Variants in CEP290 observed in about 807,000 individuals in gnomAD.
CEP290 encodes centrosomal protein of 290 kDa.
Under a neutral mutation model 344.9 loss-of-function variants are expected in CEP290, and 317 were observed. That is an observed-to-expected ratio of 0.92 (90% CI 0.84 to 1.01). CEP290 has a LOEUF of 1.01. CEP290 is among the 50% of genes least tolerant of loss of function. The pLI is 0.00. For synonymous variants in CEP290, 932 were observed against 895.8 expected (o/e 1.04, Z -0.72); for missense variants, 2,754 against 2,761.4 (o/e 1.00, Z 0.06).
chr12:88,141,280 T>C lies in CEP290; in HGVS notation c.28A>G (p.Ile10Val), dbSNP rs2040642730. ...AGGTCATCTGGGTCAACTTTCATTA[T>C]TTCTTTCCAGTTTATATTAGGTGGC... Reference protein sequence around the residue: MPPNINWKEIMKVDPDDLPR... With the variant: MPPNINWKEVMKVDPDDLPR... Residue 10 changes from isoleucine to valine, a missense_variant, in exon 2 of 54, where the codon ATA becomes GTA. Physicochemically the swap from Ile to Val is conservative, Grantham distance 29. Transcript: ENST00000552810. 4 of 1,611,282 alleles carry C rather than the reference T, an allele frequency of 2.5e-6. No individual in the cohort carries two copies. In the African/African-American group the frequency reaches 4.0e-5, roughly 16 times the overall value.
chr12:88,086,298 T>G (rs2036568492), intron 33 of CEP290, 93 bp downstream of exon 33: 1 of 1,412,516 alleles, frequency 7.1e-7, no homozygotes, highest in Non-Finnish European at 9.6e-7. Flanking sequence ...CAATATAACA[T>G]CAATTAAAAT....
intron 6 of CEP290, among the ~76,000 whole-genome samples, chr12:88,132,151 T>A (rs1463305849): frequency 6.6e-6 from 1 of 152,224 alleles, no homozygotes; most frequent in Non-Finnish European, 1.5e-5. Flanking sequence ...TACATATAAG[T>A]GACTTTATCT....
intron 11 of CEP290, 134 bp downstream of exon 11, chr12:88,128,812 T>C: frequency 1.9e-6 from 1 of 518,910 alleles, no homozygotes. Flanking sequence ...AACCAATAAA[T>C]AAAATAAACT....
At chr12:88,063,129 TAAG>T (rs2034608475) in intron 45 of CEP290, among the ~76,000 whole-genome samples, 2 of 88,378 alleles carry the variant, frequency 2.3e-5, no homozygotes, top group South Asian at 6.9e-4. Flanking sequence ...AAAACCAGAA[TAAG>T]AAGCAGTACC....
At chr12:88,084,465 A>T in intron 35 of CEP290, 121 bp downstream of exon 35, 1 of 929,388 alleles carries the variant, frequency 1.1e-6, no homozygotes, top group East Asian at 2.5e-5. Context: ...TGCAAGTAAC[A>T]ATTCTTAAAT....
chr12:88,090,261 T>C (rs2036922818), intron 30 of CEP290, among the ~76,000 whole-genome samples: 1 of 152,208 alleles, frequency 6.6e-6, no homozygotes, highest in South Asian at 2.1e-4. Flanking sequence ...CTGAACAATA[T>C]TTCAAATTAA....
Position 88,117,136 on chromosome 12 carries a change from G to C in CEP290, c.1721C>G (p.Thr574Ser), listed in dbSNP as rs1187828326. The C allele has an allele frequency of 1.3e-6, 2 of 1,513,658 alleles. No individual in the cohort carries two copies. The highest frequency in any genetic ancestry group is 9.0e-7 in the Non-Finnish European group (1 of 1,108,866). The allele number at this position is 1,513,658 out of a possible 1,614,324, so 93.8% of individuals were successfully genotyped here. A position where few individuals can be genotyped will look rare whatever the true frequency, so the allele number is the denominator to read the frequency against. ...GTTTTCAGTTAGGTTCAGGTCCTCAGTGGTTAATCCTATATATAAGAGAAT... is the reference window on the plus strand; with the variant it reads ...GTTTTCAGTTAGGTTCAGGTCCTCACTGGTTAATCCTATATATAAGAGAAT... ...GKRSATSGLT[T>S]EDLNLTENIS... The change falls in exon 18 of 54, where the codon ACT becomes AGT. Residue 574 changes from threonine (T) to serine (S), a missense_variant. Physicochemically the swap from Thr to Ser is moderately conservative, Grantham distance 58. Coordinates refer to ENST00000552810, the MANE Select transcript of CEP290 (RefSeq NM_025114.4).
chr12:88,123,782 A>G (rs2137972058), intron 13 of CEP290, among the ~76,000 whole-genome samples: 1 of 152,152 alleles, frequency 6.6e-6, no homozygotes, highest in African/African-American at 2.4e-5. Flanking sequence ...ACAAGTGCCT[A>G]CTTAACACCT....
intron 20 of CEP290, 88 bp downstream of exon 20, chr12:88,114,332 C>A: frequency 9.8e-7 from 1 of 1,019,100 alleles, no homozygotes; most frequent in African/African-American, 1.7e-5. Context: ...CTAAAAATAT[C>A]TCATCAGAAA....
chr12:88,131,939 A>G (rs2040098326), intron 6 of CEP290, among the ~76,000 whole-genome samples: 1 of 152,220 alleles, frequency 6.6e-6, no homozygotes, highest in African/African-American at 2.4e-5. Context: ...AATGGTTAAA[A>G]GAAGCAATCT....
chr12:88,049,477 A>G, intron 53 of CEP290, 63 bp from the exon 54 acceptor site: 1 of 862,108 alleles, frequency 1.2e-6, no homozygotes, highest in Non-Finnish European at 1.8e-6. Flanking sequence ...CGTTTGAACA[A>G]GGAGATTTAA....
chr12:88,070,181 G>A (rs1425589406), intron 43 of CEP290, among the ~76,000 whole-genome samples: 2 of 152,172 alleles, frequency 1.3e-5, no homozygotes, highest in Non-Finnish European at 2.9e-5. Flanking sequence ...GTACAATGGA[G>A]TAAATACATT....
At chr12:88,122,560 T>C (rs1277140255) in intron 13 of CEP290, among the ~76,000 whole-genome samples, 1 of 152,150 alleles carries the variant, frequency 6.6e-6, no homozygotes, top group East Asian at 1.9e-4. Flanking sequence ...AAGTTCAAGA[T>C]GTAGAGTACA....
chr12:88,115,093 C>A lies in CEP290; in HGVS notation c.1909+5G>T. The A allele has an allele frequency of 7.3e-7, 1 of 1,369,850 alleles. No homozygotes were observed. The highest frequency in any genetic ancestry group is 1.0e-6 in the Non-Finnish European group (1 of 989,770). The allele number at this position is 1,369,850 out of a possible 1,614,324, so 84.9% of individuals were successfully genotyped here. A position where few individuals can be genotyped will look rare whatever the true frequency, so the allele number is the denominator to read the frequency against. On this transcript the variant is annotated splice_donor_5th_base_variant and intron_variant, in intron 19 of 53. Coordinates refer to ENST00000552810, the MANE Select transcript of CEP290 (RefSeq NM_025114.4). ...ACAGAAAAGTAAAAGATAATTGTAA[C>A]TTACATTTATTCTGAAATTTGGCTA...
chr12:88,136,468 C>T (rs1461197224), intron 6 of CEP290, 175 bp downstream of exon 6: 3 of 618,316 alleles, frequency 4.9e-6, no homozygotes, highest in African/African-American at 1.9e-5. Flanking sequence ...CTAGAAGTAC[C>T]ATTATATTTT....
chr12:88,112,738 T>C (rs1439035663), intron 20 of CEP290, among the ~76,000 whole-genome samples: 1 of 152,026 alleles, frequency 6.6e-6, no homozygotes, highest in African/African-American at 2.4e-5. Flanking sequence ...AGGTAGTAGA[T>C]TTGTAAAAGC....
chr12:88,097,922 G>A (rs1248644487), intron 26 of CEP290, among the ~76,000 whole-genome samples: 1 of 152,110 alleles, frequency 6.6e-6, no homozygotes, highest in Non-Finnish European at 1.5e-5. Flanking sequence ...CCCATTCAGT[G>A]CCTATGTGTG....
In CEP290 at chr12:88,084,625, T is replaced by G; in HGVS notation, c.4665A>C (p.Val1555=). Residue 1555 remains valine (V), a synonymous_variant, in exon 35 of 54, where the codon GTA becomes GTC. Transcript: ENST00000552810. The part of the protein sequence containing the change: ...MQARLNQKEE[V]LKKYQRLLEK... ...CTAGAAGACGTTGATACTTCTTTAA[T>G]ACTTCTTCTTTTTGATTTAACCTTG... 1 of 1,612,760 alleles carries G rather than the reference T, an allele frequency of 6.2e-7. No homozygotes were observed. The highest frequency in any genetic ancestry group is 2.2e-5 in the East Asian group (1 of 44,862).
At chr12:88,082,453 G>T (rs1286778774) in intron 37 of CEP290, among the ~76,000 whole-genome samples, 2 of 152,162 alleles carry the variant, frequency 1.3e-5, no homozygotes, top group Non-Finnish European at 2.9e-5. Context: ...AGCACTTTGG[G>T]AGGCCGAAGT....
Sources: allele counts gnomAD v4.1 joint callset (sites outside exome capture counted in the v4.1 genomes callset), GRCh38; gene constraint gnomAD v4.1.1; transcripts MANE v1.5; gene names NCBI Gene and HGNC (gene_info 2026-07-23, HGNC 2026-07-21).